LAMA5: variants seen among roughly 807,000 people sequenced by gnomAD.
The protein encoded by LAMA5 is laminin subunit alpha-5.
In LAMA5, 260 loss-of-function variants were observed where a neutral mutation model predicts 433.4. The ratio of observed to expected loss-of-function variants is 0.60; its 90% CI spans 0.54 to 0.66. The LOEUF (loss-of-function observed/expected upper bound fraction) is 0.66. Ranked by LOEUF, LAMA5 falls within the 30% of genes least tolerant of loss-of-function variation. LAMA5 has a pLI of 0.00. For synonymous variants in LAMA5, 2,620 were observed against 2,226.6 expected (o/e 1.18, Z -4.97); for missense variants, 5,378 against 5,258.5 (o/e 1.02, Z -0.70).
chr20:62,332,965 G>A lies in LAMA5; in HGVS notation c.3282+125C>T. 5 of 1,287,140 alleles carry A rather than the reference G, an allele frequency of 3.9e-6. No homozygotes were observed. The East Asian group carries it at 1.1e-4, about 27-fold the overall frequency. The allele number at this position is 1,287,140 out of a possible 1,614,324, so 79.7% of individuals were successfully genotyped here. A position where few individuals can be genotyped will look rare whatever the true frequency, so the allele number is the denominator to read the frequency against. On this transcript the variant is annotated intron_variant, in intron 26 of 79. Transcript: ENST00000252999. ...GGCAGGAGGCAGGGGCGCCCTGCCT[G>A]GGTGCTGGGCTCCATTGCCTGAGGC...
In LAMA5 at chr20:62,325,511, C is replaced by T. The variant is rs761726846; in HGVS notation, c.5334G>A (p.Val1778=). The T allele has an allele frequency of 5.0e-6, 8 of 1,612,182 alleles. No homozygotes were observed. In the South Asian group the frequency reaches 6.6e-5, roughly 13 times the overall value. ...GCACCATCATGAGCTCCTCGCGGGA[C>T]ACAGTGTTGCGCGTCTCCGTATGCC... The part of the protein sequence containing the change: ...NFRHTETRNT[V]SREELMMVLA... Residue 1778 remains valine, a synonymous_variant, in exon 41 of 80, where the codon GTG becomes GTA. Transcript: ENST00000252999.
intron 31 of LAMA5, 117 bp from the exon 32 acceptor site, chr20:62,330,033 A>G: frequency 7.1e-7 from 1 of 1,406,594 alleles, no homozygotes; most frequent in Non-Finnish European, 9.4e-7. Flanking sequence ...CAACGGCCAC[A>G]GGCACGGGAC....
Position 62,359,197 on chromosome 20 carries a change from T to C in LAMA5, c.450+3203A>G, listed in dbSNP as rs1985673181. On this transcript the variant is annotated intron_variant, in intron 2 of 79. Transcript: ENST00000252999. This position sits in a 1 kb window ranked among gnomAD's most constrained non-coding sequence, Gnocchi z 4.3. Reference sequence around the variant, plus strand: ...GGGGCCCGTGCGTCCTCACTCCTCATCTGAGGGAGGCGGGAGGCAATGCCC... The same window carrying C: ...GGGGCCCGTGCGTCCTCACTCCTCACCTGAGGGAGGCGGGAGGCAATGCCC... Among the ~76,000 whole-genome samples, 1 of 152,008 alleles carries C rather than the reference T, an allele frequency of 6.6e-6. No individual in the cohort carries two copies. Among genetic ancestry groups the C allele is most frequent in the South Asian group, 2.1e-4 (1 of 4,828 alleles).
rs759385522 is a variant in LAMA5, at chr20:62,318,549, T to C, written c.7144A>G (p.Met2382Val). 5.0e-6 allele frequency: 8 copies of C among 1,610,138 alleles called. No individual in the cohort carries two copies. Among genetic ancestry groups the C allele is most frequent in the African/African-American group, 2.7e-5 (2 of 74,822 alleles). The change falls in exon 53 of 80, where the codon ATG becomes GTG. Residue 2382 changes from methionine to valine, a missense_variant. By Grantham distance (21) the Met-to-Val change is conservative (BLOSUM62 1). Transcript: ENST00000252999. ...DRLAQHEAGLMDLREALNRAV... is the reference protein window; with the variant it reads ...DRLAQHEAGLVDLREALNRAV... ...CGGTTCAAAGCCTCTCGCAGGTCCA[T>C]GAGGCCGGCCTCGTGCTGGGCCAGC...
chr20:62,328,330 G>C lies in LAMA5; in HGVS notation c.4563C>G (p.Pro1521=), dbSNP rs761457123. Residue 1521 remains proline, a synonymous_variant, in exon 35 of 80, where the codon CCC becomes CCG. Transcript: ENST00000252999. ...LCQPQTFGCH[P]LVGCEECNCS... Reference sequence around the variant, plus strand: ...AGTTACACTCCTCACAGCCGACCAGGGGGTGGCAGCCAAAGGTCTGGGGCT... The same window carrying C: ...AGTTACACTCCTCACAGCCGACCAGCGGGTGGCAGCCAAAGGTCTGGGGCT... 63 of 1,602,876 alleles carry C rather than the reference G, an allele frequency of 3.9e-5. No individual in the cohort carries two copies. The highest frequency in any genetic ancestry group is 4.6e-5 in the Non-Finnish European group (54 of 1,175,512).
intron 9 of LAMA5, 136 bp downstream of exon 9, chr20:62,346,370 G>T: frequency 7.4e-7 from 1 of 1,353,786 alleles, no homozygotes; most frequent in Non-Finnish European, 1.0e-6. Context: ...GACCCGCCCC[G>T]TGGCCTGGGA....
chr20:62,323,440 C>A lies in LAMA5; in HGVS notation c.6064+16G>T, dbSNP rs760627910. ...CAACCCTCCCCAGGGTGCATCCCTC[C>A]CAGCCCGACGCCTACGGGTGCAGTT... On this transcript the variant is annotated intron_variant, in intron 45 of 79. Coordinates refer to ENST00000252999, the MANE Select transcript of LAMA5 (RefSeq NM_005560.6). 6.5e-7 allele frequency: 1 copy of A among 1,527,494 alleles called. No individual in the cohort carries two copies. The highest frequency in any genetic ancestry group is 8.8e-7 in the Non-Finnish European group (1 of 1,138,454). The allele number at this position is 1,527,494 out of a possible 1,614,324, so 94.6% of individuals were successfully genotyped here.
At chr20:62,347,374 C>A (rs1020480467) in intron 6 of LAMA5, among the ~76,000 whole-genome samples, 1 of 152,136 alleles carries the variant, frequency 6.6e-6, no homozygotes, top group African/African-American at 2.4e-5. Context: ...TCAGTAGAGT[C>A]CCCCTTGCCT....
chr20:62,332,303 C>G (rs1481941305), intron 28 of LAMA5, 69 bp downstream of exon 28: 1 of 1,144,488 alleles, frequency 8.7e-7, no homozygotes, highest in Admixed American at 1.7e-5. Flanking sequence ...GTCCTCTCCC[C>G]TCTCATGCAT....
intron 70 of LAMA5, 32 bp from the exon 71 acceptor site, chr20:62,311,816 T>TTGGCGCCCCC: frequency 6.6e-7 from 1 of 1,521,012 alleles, no homozygotes; most frequent in Non-Finnish European, 8.9e-7. Context: ...GCTCGGTTTT[T>TTGGCGCCCCC]CCCCACCCTG....
In LAMA5 at chr20:62,359,052, C is replaced by G. The variant is rs1985652791; in HGVS notation, c.450+3348G>C. ...CCCACACCTTGACCCCCACCTGGGC[C>G]TCCCCATTTGCCCTGCAGCTCTGGG... On this transcript the variant is annotated intron_variant, in intron 2 of 79. Transcript: ENST00000252999. This position sits in a 1 kb window ranked among gnomAD's most constrained non-coding sequence, Gnocchi z 4.3. 6.6e-6 allele frequency among the ~76,000 whole-genome samples: 1 copy of G among 152,180 alleles called. No individual in the cohort carries two copies. The highest frequency in any genetic ancestry group is 2.1e-4 in the South Asian group (1 of 4,832).
Position 62,310,290 on chromosome 20 carries a change from G to T in LAMA5, c.10622C>A (p.Pro3541His). Residue 3541 changes from proline to histidine, a missense_variant, in exon 77 of 80, where the codon CCT becomes CAT. Physicochemically the swap from Pro to His is moderately conservative, Grantham distance 77. Coordinates refer to ENST00000252999, the MANE Select transcript of LAMA5 (RefSeq NM_005560.6). ...ITLDLPGATL[P>H]DVGLELEVRP... ...CACCTCCAGTTCCAGGCCCACATCA[G>T]GCAGTGTAGCTCCTGGGAGGTCTGC... 6.2e-7 allele frequency: 1 copy of T among 1,609,798 alleles called. No homozygotes were observed. Among genetic ancestry groups the T allele is most frequent in the Non-Finnish European group, 8.5e-7 (1 of 1,178,092 alleles).
intron 78 of LAMA5, 25 bp from the exon 79 acceptor site, chr20:62,309,860 G>A (rs1321359224): frequency 1.9e-6 from 3 of 1,610,372 alleles, no homozygotes; most frequent in Non-Finnish European, 1.7e-6. Context: ...GACTCCTGAG[G>A]CCAGGTGGTC....
intron 6 of LAMA5, among the ~76,000 whole-genome samples, chr20:62,349,986 G>A (rs1984051689): frequency 6.6e-6 from 1 of 151,576 alleles, no homozygotes; most frequent in Non-Finnish European, 1.5e-5. Flanking sequence ...GGTGCAGGGA[G>A]AACATGGGCA....
At chr20:62,361,325 GC>G (rs934769683) in intron 2 of LAMA5, among the ~76,000 whole-genome samples, 3 of 152,136 alleles carry the variant, frequency 2.0e-5, no homozygotes, top group African/African-American at 7.2e-5. Flanking sequence ...CCAGCTCCCC[GC>G]CCTTCTCCAC....
At position 62,327,025 on chromosome 20, in the gene LAMA5, G is replaced by A. The variant is rs936881930; in HGVS notation, c.5113-59C>T. The A allele has an allele frequency of 9.1e-5, 117 of 1,290,308 alleles. 1 individual carries two copies. The highest frequency in any genetic ancestry group is 2.0e-4 in the South Asian group (15 of 76,364). 79.9% of individuals were successfully genotyped at this position (1,290,308 alleles called of 1,614,324 possible). ...GACTCTGGCCACAGGCTCAGAGCCC[G>A]TCAGCAGTGGTCTGGGCACCCCCAG... On this transcript the variant is annotated intron_variant, in intron 38 of 79. Coordinates refer to ENST00000252999, the MANE Select transcript of LAMA5 (RefSeq NM_005560.6).
At position 62,344,824 on chromosome 20, in the gene LAMA5, G is replaced by A. The variant is rs573404817; in HGVS notation, c.1477+994C>T. ...AAAAGAACCTAGATTTCCAACCACT[G>A]GGGGTTGTTTAAATAAATACTTCAT... On this transcript the variant is annotated intron_variant, in intron 11 of 79. Transcript: ENST00000252999. Among the ~76,000 whole-genome samples, 4 of 152,028 alleles carry A rather than the reference G, an allele frequency of 2.6e-5. No homozygotes were observed. The East Asian group carries it at 7.7e-4, about 29-fold the overall frequency.
chr20:62,316,820 TGCGGGAGGTGCAGGCAGTGGGGGC>T (rs773019202), intron 56 of LAMA5, 38 bp downstream of exon 56: 35 of 1,555,754 alleles, frequency 2.2e-5, no homozygotes, highest in Non-Finnish European at 2.8e-5. Flanking sequence ...AGGCCGGGGC[TGCGGGAGGTGCAGGCAGTGGGGGC>T]GCTCCTGCTG....
intron 69 of LAMA5, 47 bp downstream of exon 69, chr20:62,312,126 C>T (rs759404476): frequency 8.1e-6 from 13 of 1,609,160 alleles, no homozygotes; most frequent in African/African-American, 2.7e-5. Context: ...CCAACTGCTC[C>T]GACGGCCACC....
Sources: allele counts gnomAD v4.1 joint callset (sites outside exome capture counted in the v4.1 genomes callset), GRCh38; gene constraint gnomAD v4.1.1; non-coding constraint Gnocchi (gnomAD v3.1); transcripts MANE v1.5; gene names NCBI Gene and HGNC (gene_info 2026-07-23, HGNC 2026-07-21).